The following CDC42BPA variants were observed in gnomAD, a reference collection of about 807,000 sequenced individuals.
CDC42BPA encodes the protein CDC42 binding protein kinase alpha, also known as serine/threonine-protein kinase MRCK alpha.
A neutral mutation model predicts 223.5 loss-of-function variants in CDC42BPA; 80 were observed. The ratio of observed to expected loss-of-function variants is 0.36; its 90% CI spans 0.30 to 0.43. The LOEUF (loss-of-function observed/expected upper bound fraction) is 0.43. CDC42BPA is among the 20% of genes least tolerant of loss of function. CDC42BPA has a pLI of 1.00. For synonymous variants in CDC42BPA, 694 were observed against 718.6 expected (o/e 0.97, Z 0.55); for missense variants, 1,743 against 2,099.9 (o/e 0.83, Z 3.32).
At chr1:227,185,213 T>C (rs1668563080) in intron 5 of CDC42BPA, among the ~76,000 whole-genome samples, 1 of 152,108 alleles carries the variant, frequency 6.6e-6, no homozygotes, top group Non-Finnish European at 1.5e-5. Context: ...GTAGGAGTTA[T>C]TAAGAAATTA....
chr1:227,002,552 C>A (rs1366116098), intron 35 of CDC42BPA, among the ~76,000 whole-genome samples: 1 of 152,236 alleles, frequency 6.6e-6, no homozygotes, highest in African/African-American at 2.4e-5. Context: ...CCTTCCCACA[C>A]AGTACCAGGG....
intron 22 of CDC42BPA, 150 bp from the exon 23 acceptor site, chr1:227,048,160 A>G (rs931132490): frequency 1.3e-5 from 6 of 465,318 alleles, no homozygotes; most frequent in Non-Finnish European, 1.5e-5. Context: ...CAATAAAGCT[A>G]AAATTCTCAT....
intron 1 of CDC42BPA, among the ~76,000 whole-genome samples, chr1:227,258,250 A>G (rs1026628625): frequency 6.6e-6 from 1 of 150,432 alleles, no homozygotes; most frequent in Non-Finnish European, 1.5e-5. Flanking sequence ...CCAGTCTTCT[A>G]TACTTAAAAG....
chr1:227,313,023 G>T (rs1274828823), intron 1 of CDC42BPA, among the ~76,000 whole-genome samples: 1 of 152,060 alleles, frequency 6.6e-6, no homozygotes, highest in Non-Finnish European at 1.5e-5. Context: ...TCAGTCTTAG[G>T]TAGTTCTTTA....
At chr1:227,286,408 T>G (rs1217025318) in intron 1 of CDC42BPA, among the ~76,000 whole-genome samples, 1 of 152,128 alleles carries the variant, frequency 6.6e-6, no homozygotes, top group African/African-American at 2.4e-5. Flanking sequence ...TGCTAAGGTG[T>G]AACAAGGGTG....
chr1:227,316,026 A>G (rs193107760), intron 1 of CDC42BPA, among the ~76,000 whole-genome samples: 38 of 151,396 alleles, frequency 2.5e-4, no homozygotes, highest in Admixed American at 1.1e-3. Flanking sequence ...TTTACTTGGG[A>G]ACAGATATTT....
chr1:227,046,834 T>A lies in CDC42BPA; in HGVS notation c.3093+1093A>T, dbSNP rs186284704. Among the ~76,000 whole-genome samples, 169 of 152,286 alleles carry A rather than the reference T, an allele frequency of 1.1e-3. 4 individuals are homozygous for A. The East Asian group carries it at 0.024, about 21-fold the overall frequency. The stretch of plus-strand genomic sequence containing the variant: ...AGTATGCTTTACTATCCTTAAAATA[T>A]TAAATCCTTAAAAATCTTTCACTTG... On this transcript the variant is annotated intron_variant, in intron 23 of 36. Transcript: ENST00000366766.
chr1:227,086,312 G>A (rs1474234949), intron 16 of CDC42BPA, among the ~76,000 whole-genome samples: 1 of 152,126 alleles, frequency 6.6e-6, no homozygotes, highest in Non-Finnish European at 1.5e-5. Context: ...AGTCTTAAGG[G>A]GACTATGCTT....
At chr1:227,148,817 A>G (rs1661200751) in intron 6 of CDC42BPA, among the ~76,000 whole-genome samples, 1 of 145,618 alleles carries the variant, frequency 6.9e-6, no homozygotes, top group African/African-American at 2.5e-5. Flanking sequence ...AAAATATAAC[A>G]ATTATTTGTA....
At chr1:227,238,038 CA>C (rs35731369) in intron 2 of CDC42BPA, among the ~76,000 whole-genome samples, 15,623 of 91,102 alleles carry the variant, frequency 0.17, 918 homozygotes, top group East Asian at 0.37. Flanking sequence ...AACTCTGTCT[CA>C]AAAAAAAAAA....
At chr1:227,229,777 T>C (rs116596662) in intron 2 of CDC42BPA, among the ~76,000 whole-genome samples, 307 of 152,352 alleles carry the variant, frequency 2.0e-3, no homozygotes, top group African/African-American at 7.0e-3. Flanking sequence ...ATGCCATTTT[T>C]CCATTATCTT....
chr1:227,159,514 A>G (rs76619876), intron 6 of CDC42BPA, among the ~76,000 whole-genome samples: 1,949 of 152,232 alleles, frequency 0.013, 39 homozygotes, highest in African/African-American at 0.044. Context: ...CCAAAGTTAA[A>G]ATTACTGGTC....
chr1:227,212,291 T>C (rs1311948924), intron 3 of CDC42BPA, among the ~76,000 whole-genome samples: 2 of 152,178 alleles, frequency 1.3e-5, no homozygotes, highest in South Asian at 2.1e-4. Flanking sequence ...CCCTGTATGT[T>C]TGTTCATCTT....
intron 15 of CDC42BPA, among the ~76,000 whole-genome samples, chr1:227,092,694 T>A (rs1334961816): frequency 6.6e-6 from 1 of 152,220 alleles, no homozygotes; most frequent in East Asian, 1.9e-4. Flanking sequence ...TCAGAAATTT[T>A]AAAAAATTTA....
At chr1:227,134,784 A>G (rs1213872924) in intron 10 of CDC42BPA, among the ~76,000 whole-genome samples, 1 of 152,202 alleles carries the variant, frequency 6.6e-6, no homozygotes, top group Non-Finnish European at 1.5e-5. Flanking sequence ...TGTGCAAACG[A>G]TACTACACAT....
At chr1:227,228,833 G>T (rs889715417) in intron 2 of CDC42BPA, among the ~76,000 whole-genome samples, 9 of 152,088 alleles carry the variant, frequency 5.9e-5, no homozygotes, top group Non-Finnish European at 1.2e-4. Context: ...CTTCTTTGGA[G>T]AAACAGCTAT....
In CDC42BPA at chr1:226,993,489, C is replaced by A. The variant is rs1660998689; in HGVS notation, c.*779G>T. ...GGCTCTGCAAGTGTTTTCTACAGCT[C>A]CCCAGGTGACTAGAGCCTATGACCA... On this transcript the variant is annotated 3_prime_UTR_variant, in exon 37 of 37. Transcript: ENST00000366766. 1 of 152,462 alleles carries A rather than the reference C, an allele frequency of 6.6e-6. No homozygotes were observed. Among genetic ancestry groups the A allele is most frequent in the South Asian group, 2.1e-4 (1 of 4,820 alleles). 9.4% of individuals were successfully genotyped at this position (152,462 alleles called of 1,614,324 possible). A position where few individuals can be genotyped will look rare whatever the true frequency, so the allele number is the denominator to read the frequency against.
intron 15 of CDC42BPA, among the ~76,000 whole-genome samples, chr1:227,098,958 C>T (rs1173528250): frequency 2.0e-5 from 3 of 151,806 alleles, no homozygotes; most frequent in East Asian, 1.9e-4. Flanking sequence ...TCCATAACTG[C>T]GTAAATTTTT....
intron 3 of CDC42BPA, among the ~76,000 whole-genome samples, chr1:227,208,580 C>A (rs1363627130): frequency 6.7e-6 from 1 of 149,536 alleles, no homozygotes; most frequent in Non-Finnish European, 1.5e-5. Context: ...ATATGGCTAG[C>A]CAGTTTTCCC....
Sources: gnomAD v4.1 joint callset for allele counts (sites outside exome capture counted in the v4.1 genomes callset) on GRCh38, gnomAD v4.1.1 for gene constraint, MANE v1.5 for transcripts, NCBI Gene and HGNC (gene_info 2026-07-23, HGNC 2026-07-21) for gene names.